PHTF2: variants seen among roughly 807,000 people sequenced by gnomAD.
PHTF2 encodes the protein protein PHTF2.
In PHTF2, 60 loss-of-function variants were observed where a neutral mutation model predicts 101.2. The ratio of observed to expected loss-of-function variants is 0.59; its 90% CI spans 0.48 to 0.73. PHTF2 has a LOEUF of 0.73. Among genes scored for constraint, PHTF2 ranks in the 30% least tolerant of loss-of-function variants. PHTF2 has a pLI of 0.00. For missense variants in PHTF2, 747 were observed against 908.7 expected, an observed-to-expected ratio of 0.82 and a Z score of 2.29; for synonymous variants, 311 against 307.3, an observed-to-expected ratio of 1.01 and a Z score of -0.13.
At position 77,878,070 on chromosome 7, in the gene PHTF2, G is replaced by T. The variant is rs544444253; in HGVS notation, c.148-15538G>T. Among the ~76,000 whole-genome samples the T allele has an allele frequency of 9.9e-4, 150 of 152,204 alleles. 1 individual carries two copies. The highest frequency in any genetic ancestry group is 3.4e-3 in the African/African-American group (141 of 41,528). On this transcript the variant is annotated intron_variant, in intron 3 of 19. Coordinates refer to ENST00000416283, the Ensembl canonical transcript of PHTF2. ...GCCCAATTAATTCATCTTGCCTACTGCCCGGAAAAACCAATGCACTGAGAA... is the reference window on the plus strand; with the variant it reads ...GCCCAATTAATTCATCTTGCCTACTTCCCGGAAAAACCAATGCACTGAGAA...
chr7:77,847,320 T>C (rs946490865), intron 2 of PHTF2, among the ~76,000 whole-genome samples: 2 of 152,204 alleles, frequency 1.3e-5, no homozygotes, highest in African/African-American at 4.8e-5. Flanking sequence ...ATTTTCACTT[T>C]TATGTCCTTT....
At chr7:77,840,712 A>G (rs1054879832) in intron 2 of PHTF2, among the ~76,000 whole-genome samples, 85 of 152,152 alleles carry the variant, frequency 5.6e-4, no homozygotes, top group African/African-American at 1.9e-3. Flanking sequence ...TGGGAACTCT[A>G]TTTTACAAAC....
rs565425495 is a variant in PHTF2, at chr7:77,945,252, C to T, written c.1959+2466C>T. Reference sequence around the variant, plus strand: ...GCTCGGGAGGATGAGGCAGGAGAATCGCTTGAACCTGGGAGGCAGAAGTTG... The same window carrying T: ...GCTCGGGAGGATGAGGCAGGAGAATTGCTTGAACCTGGGAGGCAGAAGTTG... On this transcript the variant is annotated intron_variant, in intron 16 of 19. Transcript: ENST00000416283. 4.3e-4 allele frequency among the ~76,000 whole-genome samples: 66 copies of T among 152,278 alleles called. 1 individual carries two copies. Among genetic ancestry groups the T allele is most frequent in the African/African-American group, 6.3e-4 (26 of 41,564 alleles).
chr7:77,865,248 CA>C (rs1417013634), intron 3 of PHTF2, among the ~76,000 whole-genome samples: 1 of 150,798 alleles, frequency 6.6e-6, no homozygotes, highest in East Asian at 1.9e-4. Context: ...TTTTTTTAGA[CA>C]GAGTCTCGCT....
chr7:77,946,493 T>C lies in PHTF2; in HGVS notation c.1960-3185T>C, dbSNP rs151301144. Among the ~76,000 whole-genome samples the C allele has an allele frequency of 9.9e-3, 1,501 of 152,200 alleles. 11 individuals are homozygous for C. Among genetic ancestry groups the C allele is most frequent in the Non-Finnish European group, 0.016 (1,065 of 68,022 alleles). On this transcript the variant is annotated intron_variant, in intron 16 of 19. Transcript: ENST00000416283. Reference sequence around the variant, plus strand: ...AAACAATCGTAAACTATATGATTGTTTATATAGAATATCCAAGCGACTTTA... The same window carrying C: ...AAACAATCGTAAACTATATGATTGTCTATATAGAATATCCAAGCGACTTTA...
At chr7:77,860,838 T>C (rs1797580606) in intron 3 of PHTF2, among the ~76,000 whole-genome samples, 1 of 151,940 alleles carries the variant, frequency 6.6e-6, no homozygotes, top group Admixed American at 6.6e-5. Context: ...CAGCCTCCCA[T>C]ATAGGGACGT....
At chr7:77,915,529 A>C (rs1315089029) in intron 9 of PHTF2, among the ~76,000 whole-genome samples, 1 of 152,130 alleles carries the variant, frequency 6.6e-6, no homozygotes, top group African/African-American at 2.4e-5. Flanking sequence ...CATTATTTTT[A>C]TGCTCAATTT....
chr7:77,836,822 G>T (rs1398725416), intron 1 of PHTF2, among the ~76,000 whole-genome samples: 2 of 152,014 alleles, frequency 1.3e-5, no homozygotes, highest in East Asian at 1.9e-4. Flanking sequence ...CGGTCGGGGT[G>T]GGGGGCTTGG....
At position 77,916,866 on chromosome 7, in the gene PHTF2, A is replaced by G. The variant is rs189401836; in HGVS notation, c.777-3413A>G. Among the ~76,000 whole-genome samples, 158 of 152,324 alleles carry G rather than the reference A, an allele frequency of 1.0e-3. 1 individual carries two copies. Among genetic ancestry groups the G allele is most frequent in the Admixed American group, 2.4e-3 (36 of 15,292 alleles). On this transcript the variant is annotated intron_variant, in intron 9 of 19. Coordinates refer to ENST00000416283, the Ensembl canonical transcript of PHTF2. Reference sequence around the variant, plus strand: ...GTACATGTTCAGTACAGGTGCAAGCATAGTAAGCCTAACTGCATTTTCAAT... The same window carrying G: ...GTACATGTTCAGTACAGGTGCAAGCGTAGTAAGCCTAACTGCATTTTCAAT...
At chr7:77,930,008 C>A in intron 12 of PHTF2, among the ~76,000 whole-genome samples, 1 of 136,694 alleles carries the variant, frequency 7.3e-6, no homozygotes, top group African/African-American at 2.8e-5. Flanking sequence ...GGCTGGAGTA[C>A]AATGGCACGA....
intron 12 of PHTF2, among the ~76,000 whole-genome samples, chr7:77,932,621 A>AGAGAGAGTGTGTGTGT (rs759880633): frequency 5.9e-5 from 7 of 118,476 alleles, no homozygotes; most frequent in African/African-American, 2.5e-4. Context: ...AGAGAGAGAG[A>AGAGAGAGTGTGTGTGT]GTGTGTGTGT....
chr7:77,937,262 A>G (rs891478630), intron 12 of PHTF2, among the ~76,000 whole-genome samples: 4 of 152,330 alleles, frequency 2.6e-5, no homozygotes, highest in East Asian at 1.9e-4. Flanking sequence ...TTTAATGATC[A>G]TAAGTTGGAC....
At chr7:77,835,591 G>A (rs1795394492) in intron 1 of PHTF2, among the ~76,000 whole-genome samples, 2 of 152,078 alleles carry the variant, frequency 1.3e-5, no homozygotes, top group Admixed American at 6.5e-5. Context: ...ATACTCATAG[G>A]CATTATTATA....
chr7:77,920,265 A>G lies in PHTF2; in HGVS notation c.777-14A>G, dbSNP rs748203544. The G allele has an allele frequency of 1.4e-5, 20 of 1,450,676 alleles. No homozygotes were observed. In the South Asian group the frequency reaches 2.0e-4, roughly 14 times the overall value. The allele number at this position is 1,450,676 out of a possible 1,614,324, so 89.9% of individuals were successfully genotyped here. On this transcript the variant is annotated splice_polypyrimidine_tract_variant and intron_variant, in intron 9 of 19. Coordinates refer to ENST00000416283, the Ensembl canonical transcript of PHTF2. Reference sequence around the variant, plus strand: ...GCTAAGTCCAAACATTCTTCTGCATATTTTAATTTTTAGATCAAAGAAAGC... The same window carrying G: ...GCTAAGTCCAAACATTCTTCTGCATGTTTTAATTTTTAGATCAAAGAAAGC...
At position 77,895,057 on chromosome 7, in the gene PHTF2, A is replaced by G. The variant is rs1800762532; in HGVS notation, c.216+1064A>G. 7 of 402,636 alleles carry G rather than the reference A, an allele frequency of 1.7e-5. 1 individual carries two copies. Among genetic ancestry groups the G allele is most frequent in the African/African-American group, 1.0e-4 (5 of 47,750 alleles). 24.9% of individuals were successfully genotyped at this position (402,636 alleles called of 1,614,324 possible). On this transcript the variant is annotated intron_variant, in intron 5 of 19. Coordinates refer to ENST00000416283, the Ensembl canonical transcript of PHTF2. The stretch of plus-strand genomic sequence containing the variant: ...TTAAGCAGAAGATTATATTTTGACA[A>G]ATGTACACAGGCAGCACTAAGGATG...
chr7:77,817,065 T>G (rs1387834222), intron 1 of PHTF2, among the ~76,000 whole-genome samples: 7 of 152,212 alleles, frequency 4.6e-5, no homozygotes, highest in Admixed American at 4.6e-4. Flanking sequence ...TGATTTTCTT[T>G]CCTTTGGATA....
chr7:77,883,567 A>G (rs1051143241), intron 3 of PHTF2, among the ~76,000 whole-genome samples: 3 of 152,148 alleles, frequency 2.0e-5, no homozygotes, highest in Non-Finnish European at 4.4e-5. Flanking sequence ...TTTTATTAGT[A>G]TATTGTATCT....
Position 77,879,686 on chromosome 7 carries a change from A to G in PHTF2, c.148-13922A>G, listed in dbSNP as rs546134426. On this transcript the variant is annotated intron_variant, in intron 3 of 19. Coordinates refer to ENST00000416283, the Ensembl canonical transcript of PHTF2. The stretch of plus-strand genomic sequence containing the variant: ...GGATAATTGACATAGTCAATTATCT[A>G]TCATCTATCTGCCTTTTTATACTAC... Among the ~76,000 whole-genome samples the G allele has an allele frequency of 5.6e-4, 85 of 152,258 alleles. No homozygotes were observed. The South Asian group carries it at 0.011, about 20-fold the overall frequency.
intron 9 of PHTF2, among the ~76,000 whole-genome samples, chr7:77,915,058 C>T (rs1166260368): frequency 2.0e-5 from 3 of 149,714 alleles, no homozygotes; most frequent in Admixed American, 1.3e-4. Flanking sequence ...ACTACAGGCA[C>T]GCACCACCAT....
Sources: allele counts gnomAD v4.1 joint callset (sites outside exome capture counted in the v4.1 genomes callset), GRCh38; gene constraint gnomAD v4.1.1; transcripts MANE v1.5; gene names NCBI Gene and HGNC (gene_info 2026-07-23, HGNC 2026-07-21).